Variants in GSTM2 observed in about 807,000 individuals in gnomAD.
GSTM2 encodes the protein GST class-mu 2.
In GSTM2, 33 loss-of-function variants were observed where a neutral mutation model predicts 33.3. The ratio of observed to expected loss-of-function variants is 0.99; its 90% CI spans 0.75 to 1.33. The LOEUF (loss-of-function observed/expected upper bound fraction) is 1.33, where lower values mean the gene tolerates loss of function less well. Among genes scored for constraint, GSTM2 ranks in the 40% most tolerant of loss-of-function variants. The pLI is 0.00. For missense variants in GSTM2, 213 were observed against 265.8 expected, an observed-to-expected ratio of 0.80 and a Z score of 1.38; for synonymous variants, 93 against 95.6, an observed-to-expected ratio of 0.97 and a Z score of 0.16.
rs1383937383 is a variant in GSTM2, at chr1:109,671,589, G to T, written c.567+6G>T. The T allele has an allele frequency of 7.0e-7, 1 of 1,430,590 alleles. No individual in the cohort carries two copies. Among genetic ancestry groups the T allele is most frequent in the South Asian group, 1.1e-5 (1 of 87,424 alleles). The allele number at this position is 1,430,590 out of a possible 1,614,324, so 88.6% of individuals were successfully genotyped here. A position where few individuals can be genotyped will look rare whatever the true frequency, so the allele number is the denominator to read the frequency against. ...ACTTCATCTCCCGATTTGAGGTGAT[G>T]CCCCCAGCCTCCTTTCTCTTTATGT... On this transcript the variant is annotated splice_donor_region_variant and intron_variant, in intron 7 of 7. Transcript: ENST00000241337.
downstream of GSTM2, among the ~76,000 whole-genome samples, chr1:109,679,962 G>C (rs1488869076): frequency 6.6e-6 from 1 of 152,146 alleles, no homozygotes; most frequent in Non-Finnish European, 1.5e-5. Flanking sequence ...TGATATCTCT[G>C]ACTGGGACAT....
Position 109,668,512 on chromosome 1 carries a change from C to A in GSTM2, c.112+12C>A. On this transcript the variant is annotated intron_variant, in intron 2 of 7. Transcript: ENST00000241337. ...CACGATGGGGGACGGTAATGGCACC[C>A]TCGAGTCTGGGCCCTGCCCCCTCAC... 1 of 1,613,768 alleles carries A rather than the reference C, an allele frequency of 6.2e-7. No homozygotes were observed. Among genetic ancestry groups the A allele is most frequent in the Non-Finnish European group, 8.5e-7 (1 of 1,179,608 alleles).
downstream of GSTM2, among the ~76,000 whole-genome samples, chr1:109,680,124 C>G (rs1647825512): frequency 6.6e-6 from 1 of 151,500 alleles, no homozygotes; most frequent in Non-Finnish European, 1.5e-5. Context: ...GCTTCTCTGT[C>G]CTGCAGCCAG....
chr1:109,668,597 T>C (rs1055103557), intron 2 of GSTM2, 97 bp downstream of exon 2: 26 of 1,331,002 alleles, frequency 2.0e-5, no homozygotes, highest in Middle Eastern at 1.8e-4. Context: ...CAGGCCTCCC[T>C]TGCTGGAACT....
chr1:109,679,335 G>T (rs539107787), downstream of GSTM2, among the ~76,000 whole-genome samples: 1 of 152,088 alleles, frequency 6.6e-6, no homozygotes, highest in African/African-American at 2.4e-5. Flanking sequence ...GCCGGGCATG[G>T]TGGTGGGCAC....
intron 5 of GSTM2, 64 bp from the exon 6 acceptor site, chr1:109,671,223 T>C (rs1570628737): frequency 1.7e-6 from 2 of 1,199,898 alleles, no homozygotes; most frequent in African/African-American, 1.5e-5. Flanking sequence ...TGCACAAAAC[T>C]GGGAGGCCGC....
chr1:109,677,491 C>T (rs772026336), downstream of GSTM2, among the ~76,000 whole-genome samples: 19 of 152,266 alleles, frequency 1.2e-4, no homozygotes, highest in Non-Finnish European at 2.5e-4. Context: ...AACATGCTAA[C>T]GCTATGTGCA....
intron 5 of GSTM2, 185 bp downstream of exon 5, chr1:109,669,756 TC>T: frequency 1.7e-6 from 1 of 587,478 alleles, no homozygotes; most frequent in South Asian, 2.1e-5. Context: ...CGGAGTTTGT[TC>T]CTTCAGATGT....
rs1647649630 is a variant in GSTM2, at chr1:109,674,462, G to A, written c.568-285G>A. Among the ~76,000 whole-genome samples the A allele has an allele frequency of 1.3e-5, 2 of 152,176 alleles. 1 individual carries two copies. ...TCAGCCTTGCAGAGTAGTCGAGTGG[G>A]TTTTCTAAGCTTACGTTGTAATTTC... On this transcript the variant is annotated intron_variant, in intron 7 of 7. Coordinates refer to ENST00000241337, the MANE Select transcript of GSTM2 (RefSeq NM_000848.4).
chr1:109,677,007 A>C (rs1427050536), downstream of GSTM2, among the ~76,000 whole-genome samples: 1 of 152,212 alleles, frequency 6.6e-6, no homozygotes, highest in Non-Finnish European at 1.5e-5. Context: ...ATCCGAAAAT[A>C]CAACTCATTA....
downstream of GSTM2, among the ~76,000 whole-genome samples, chr1:109,677,201 A>C (rs1356810656): frequency 1.3e-5 from 2 of 152,208 alleles, no homozygotes; most frequent in African/African-American, 2.4e-5. Flanking sequence ...TTTATGGAGT[A>C]ACTGGAACTG....
intron 4 of GSTM2, 21 bp from the exon 5 acceptor site, chr1:109,669,450 G>A (rs771355642): frequency 1.7e-5 from 27 of 1,613,574 alleles, no homozygotes; most frequent in East Asian, 4.5e-5. Flanking sequence ...GGCTGAGAGT[G>A]AATCTGCTTT....
intron 5 of GSTM2, 91 bp from the exon 6 acceptor site, chr1:109,671,196 G>A (rs1416178642): frequency 1.1e-5 from 9 of 856,986 alleles, no homozygotes; most frequent in Admixed American, 3.5e-5. Context: ...CTGCTTGCCC[G>A]CGGCCAGCTG....
At chr1:109,668,345 A>T in intron 1 of GSTM2, 80 bp from the exon 2 acceptor site, 1 of 1,511,624 alleles carries the variant, frequency 6.6e-7, no homozygotes, top group Non-Finnish European at 9.2e-7. Flanking sequence ...AGAGGAGGAG[A>T]TGGGGCTCCC....
chr1:109,673,207 T>C lies in GSTM2; in HGVS notation c.568-1540T>C, dbSNP rs781576415. ...TTTTTCCCTCCAATGTTCCAGGTGT[T>C]CCCCCTGTGAGATGAGTAGCACGCT... is the stretch of plus-strand genomic sequence containing the variant. On this transcript the variant is annotated intron_variant, in intron 7 of 7. Transcript: ENST00000241337. The C allele has an allele frequency of 1.9e-6, 3 of 1,611,882 alleles. No homozygotes were observed. In the East Asian group the frequency reaches 6.7e-5, roughly 36 times the overall value.
chr1:109,679,655 A>G (rs1647809847), downstream of GSTM2, among the ~76,000 whole-genome samples: 1 of 152,236 alleles, frequency 6.6e-6, no homozygotes, highest in Non-Finnish European at 1.5e-5. Flanking sequence ...GAAAGCTTAA[A>G]GAATGATCTT....
downstream of GSTM2, among the ~76,000 whole-genome samples, chr1:109,678,479 G>A (rs1647761523): frequency 6.6e-6 from 1 of 152,150 alleles, no homozygotes; most frequent in Admixed American, 6.6e-5. Flanking sequence ...GGGCGCAGTG[G>A]CTCATGAGTG....
intron 5 of GSTM2, 104 bp downstream of exon 5, chr1:109,669,675 G>A: frequency 1.4e-6 from 1 of 718,548 alleles, no homozygotes; most frequent in South Asian, 1.7e-5. Flanking sequence ...TGAGTTCTTG[G>A]TCTTGCTGAC....
Position 109,669,533 on chromosome 1 carries a change from C to G in GSTM2, c.322C>G (p.Arg108Gly). ...DILENQFMDS[R>G]MQLAKLCYDP... is the part of the protein sequence containing the mutation. ...TTTGGAGAACCAGTTTATGGACAGC[C>G]GTATGCAGCTGGCCAAACTCTGCTA... Residue 108 changes from arginine to glycine, a missense_variant, in exon 5 of 8, where the codon CGT (arginine) becomes GGT (glycine). By Grantham distance (125) the Arg-to-Gly change is moderately radical (BLOSUM62 -2). Transcript: ENST00000241337. The G allele has an allele frequency of 6.2e-7, 1 of 1,612,456 alleles. No homozygotes were observed. The highest frequency in any genetic ancestry group is 8.5e-7 in the Non-Finnish European group (1 of 1,178,580).
Sources: gnomAD v4.1 joint callset for allele counts (sites outside exome capture counted in the v4.1 genomes callset) on GRCh38, gnomAD v4.1.1 for gene constraint, MANE v1.5 for transcripts, NCBI Gene and HGNC (gene_info 2026-07-23, HGNC 2026-07-21) for gene names.